NBEAL1: variants seen among roughly 807,000 people sequenced by gnomAD.
NBEAL1 encodes the protein neurobeachin like 1.
A neutral mutation model predicts 351.3 loss-of-function variants in NBEAL1; 273 were observed. That is an observed-to-expected ratio of 0.78 (90% confidence interval 0.70 to 0.86). The LOEUF (loss-of-function observed/expected upper bound fraction) is 0.86, where lower values mean the gene tolerates loss of function less well. Ranked by LOEUF, NBEAL1 falls within the 40% of genes least tolerant of loss-of-function variation. The pLI, the probability that NBEAL1 is intolerant of heterozygous loss-of-function variation, is 0.00. For synonymous variants in NBEAL1, 1,050 were observed against 1,086.4 expected (o/e 0.97, Z 0.66); for missense variants, 2,961 against 3,201.3 (o/e 0.92, Z 1.81).
At chr2:203,159,217 T>C (rs989418938) in intron 36 of NBEAL1, among the ~76,000 whole-genome samples, 5 of 152,148 alleles carry the variant, frequency 3.3e-5, no homozygotes, top group South Asian at 2.1e-4. Context: ...TCCAGGTATA[T>C]CTCACAAACA....
At chr2:203,151,345 T>G (rs1405287452) in intron 34 of NBEAL1, 120 bp from the exon 35 acceptor site, 2 of 688,634 alleles carry the variant, frequency 2.9e-6, no homozygotes, top group African/African-American at 3.7e-5. Context: ...AAAATAAAAA[T>G]AAAATAAAAT....
chr2:203,166,299 TGAG>T lies in NBEAL1; in HGVS notation c.5863+6_5863+8del. On this transcript the variant is annotated splice_donor_5th_base_variant and intron_variant, in intron 37 of 55. Coordinates refer to ENST00000683969, the MANE Select transcript of NBEAL1 (RefSeq NM_001378026.1). The stretch of plus-strand genomic sequence containing the variant: ...ATGGCAGCATTGAAAAAGAAGATGG[TGAG>T]GAGTTCTGGAAAAAATAATTTTTGC... 1 of 1,595,242 alleles carries T rather than the reference TGAG, an allele frequency of 6.3e-7. No individual in the cohort carries two copies. Among genetic ancestry groups the T allele is most frequent in the Non-Finnish European group, 8.5e-7 (1 of 1,175,488 alleles).
intron 23 of NBEAL1, 49 bp downstream of exon 23, chr2:203,126,975 C>A: frequency 2.3e-6 from 3 of 1,290,062 alleles, no homozygotes; most frequent in Non-Finnish European, 2.2e-6. Flanking sequence ...TTTCTGTCTG[C>A]TACTTGATTG....
At chr2:203,164,265 A>T (rs181521508) in intron 36 of NBEAL1, among the ~76,000 whole-genome samples, 1 of 151,860 alleles carries the variant, frequency 6.6e-6, no homozygotes, top group African/African-American at 2.4e-5. Context: ...ATATATATAT[A>T]TTACAAATTG....
At chr2:203,084,202 G>C (rs575764896) in intron 9 of NBEAL1, among the ~76,000 whole-genome samples, 1 of 152,104 alleles carries the variant, frequency 6.6e-6, no homozygotes, top group East Asian at 1.9e-4. Context: ...GTTTTCATTA[G>C]AGCTAAACTA....
chr2:203,129,566 G>T (rs1041518341), intron 24 of NBEAL1, among the ~76,000 whole-genome samples: 5 of 152,088 alleles, frequency 3.3e-5, no homozygotes, highest in Non-Finnish European at 2.9e-5. Context: ...AGAGTTATTT[G>T]TTGAGGACTT....
intron 31 of NBEAL1, among the ~76,000 whole-genome samples, chr2:203,142,438 G>T (rs1011200308): frequency 6.6e-6 from 1 of 152,168 alleles, no homozygotes; most frequent in Non-Finnish European, 1.5e-5. Flanking sequence ...TTACAGGTGT[G>T]TGCCACCATG....
Position 203,144,810 on chromosome 2 carries a change from C to T in NBEAL1, c.5059C>T (p.Pro1687Ser). 4 of 1,613,958 alleles carry T rather than the reference C, an allele frequency of 2.5e-6. No individual in the cohort carries two copies. The South Asian group carries it at 4.4e-5, about 18-fold the overall frequency. The change falls in exon 32 of 56, where the codon CCT becomes TCT. Residue 1687 changes from proline to serine, a missense_variant. Pro to Ser is a moderately conservative substitution (Grantham distance 74). Coordinates refer to ENST00000683969, the MANE Select transcript of NBEAL1 (RefSeq NM_001378026.1). ...YELLFMNLHLPSLPFTNGSSS... is the reference protein window; with the variant it reads ...YELLFMNLHLSSLPFTNGSSS... ...GCTTCTCTTCATGAACTTGCACCTACCTTCTTTACCTTTTACCAATGGTAG... is the reference window on the plus strand; with the variant it reads ...GCTTCTCTTCATGAACTTGCACCTATCTTCTTTACCTTTTACCAATGGTAG...
chr2:203,173,516 G>T (rs16839592), intron 41 of NBEAL1, among the ~76,000 whole-genome samples: 2,582 of 152,162 alleles, frequency 0.017, 68 homozygotes, highest in East Asian at 0.085. Context: ...GTTATAGATT[G>T]ATATGAAAGT....
At chr2:203,173,050 A>C (rs2064374167) in intron 41 of NBEAL1, among the ~76,000 whole-genome samples, 197 bp downstream of exon 41, 1 of 152,084 alleles carries the variant, frequency 6.6e-6, no homozygotes. Context: ...ACTTGTGTTG[A>C]TTTCCCTTCA....
In NBEAL1 at chr2:203,223,368, A is replaced by G. The variant is rs2065970293; in HGVS notation, c.*6014A>G. Among the ~76,000 whole-genome samples, 2 of 152,120 alleles carry G rather than the reference A, an allele frequency of 1.3e-5. No homozygotes were observed. Among genetic ancestry groups the G allele is most frequent in the African/African-American group, 2.4e-5 (1 of 41,454 alleles). On this transcript the variant is annotated 3_prime_UTR_variant, in exon 56 of 56. Transcript: ENST00000683969. Reference sequence around the variant, plus strand: ...ATATAACAATAATAGTAATAACACAATTTTGTCATTTAAAAAATTACCCAT... The same window carrying G: ...ATATAACAATAATAGTAATAACACAGTTTTGTCATTTAAAAAATTACCCAT...
At chr2:203,199,594 G>T (rs13028905) in intron 49 of NBEAL1, 147 bp downstream of exon 49, 1 of 499,900 alleles carries the variant, frequency 2.0e-6, no homozygotes, top group Non-Finnish European at 3.5e-6. Flanking sequence ...GTGCAGTGGC[G>T]CAATCCCCAC....
At chr2:203,086,394 A>T (rs2061961246) in intron 10 of NBEAL1, among the ~76,000 whole-genome samples, 1 of 151,978 alleles carries the variant, frequency 6.6e-6, no homozygotes, top group Non-Finnish European at 1.5e-5. Flanking sequence ...TCACCTTTGG[A>T]TGTGTGGCTT....
intron 41 of NBEAL1, among the ~76,000 whole-genome samples, chr2:203,174,273 G>T (rs2064423641): frequency 1.1e-5 from 1 of 92,060 alleles, no homozygotes; most frequent in South Asian, 3.8e-4. Context: ...TGTCTAAAAA[G>T]TAAAGAAATA....
In NBEAL1 at chr2:203,083,525, A is replaced by G. The variant is rs186756028; in HGVS notation, c.991A>G (p.Asn331Asp). ...TATTGCTCTACAGATCAAAATGCTG[A>G]GTAAGTATTACATAATGACAACTTT... Reference protein sequence around the residue: ...RFIALQIKMLNTITAMLDCTD... With the variant: ...RFIALQIKMLDTITAMLDCTD... The change falls in exon 9 of 56, where the codon AAT (asparagine) becomes GAT (aspartate). Residue 331 changes from asparagine to aspartate, a missense_variant and splice_region_variant. Asn to Asp is a conservative substitution (Grantham distance 23). Coordinates refer to ENST00000683969, the MANE Select transcript of NBEAL1 (RefSeq NM_001378026.1). The G allele has an allele frequency of 6.6e-7, 1 of 1,525,398 alleles. No individual in the cohort carries two copies. The highest frequency in any genetic ancestry group is 1.4e-5 in the African/African-American group (1 of 72,280). The allele number at this position is 1,525,398 out of a possible 1,614,324, so 94.5% of individuals were successfully genotyped here.
At chr2:203,043,590 A>G (rs2061177932) in intron 3 of NBEAL1, among the ~76,000 whole-genome samples, 1 of 152,036 alleles carries the variant, frequency 6.6e-6, no homozygotes, top group Non-Finnish European at 1.5e-5. Context: ...ATAATTAAAA[A>G]TGGTGGTGTG....
intron 8 of NBEAL1, among the ~76,000 whole-genome samples, chr2:203,079,176 T>C (rs897105361): frequency 1.1e-4 from 16 of 152,184 alleles, no homozygotes; most frequent in African/African-American, 3.4e-4. Context: ...GCCTCCTGGC[T>C]CAGTCAGTTC....
chr2:203,223,802 G>T lies in NBEAL1; in HGVS notation c.*6448G>T, dbSNP rs958152783. 6.6e-6 allele frequency among the ~76,000 whole-genome samples: 1 copy of T among 151,972 alleles called. No homozygotes were observed. Among genetic ancestry groups the T allele is most frequent in the African/African-American group, 2.4e-5 (1 of 41,424 alleles). ...AACATGTTTTACAATTTAGTGGGATGAACCTACAAATTCATAAATGCTTCT... is the reference window on the plus strand; with the variant it reads ...AACATGTTTTACAATTTAGTGGGATTAACCTACAAATTCATAAATGCTTCT... On this transcript the variant is annotated 3_prime_UTR_variant, in exon 56 of 56. Transcript: ENST00000683969.
At chr2:203,191,446 A>C in intron 46 of NBEAL1, 1 of 472,546 alleles carries the variant, frequency 2.1e-6, no homozygotes, top group East Asian at 3.4e-5. Flanking sequence ...TCCTGATGAC[A>C]CACAGGTTTA....
Sources: gnomAD v4.1 joint callset for allele counts (sites outside exome capture counted in the v4.1 genomes callset) on GRCh38, gnomAD v4.1.1 for gene constraint, MANE v1.5 for transcripts, NCBI Gene and HGNC (gene_info 2026-07-23, HGNC 2026-07-21) for gene names.